The following GABBR2 variants were observed in gnomAD, a reference collection of about 807,000 sequenced individuals.
GABBR2 encodes G-protein coupled receptor 51.
Under a neutral mutation model 105.6 loss-of-function variants are expected in GABBR2, and 23 were observed. The ratio of observed to expected loss-of-function variants is 0.22; its 90% confidence interval spans 0.16 to 0.31. The LOEUF (loss-of-function observed/expected upper bound fraction) is 0.31, where lower values mean the gene tolerates loss of function less well. Among genes scored for constraint, GABBR2 ranks in the 10% least tolerant of loss-of-function variants. The pLI is 1.00. For synonymous variants in GABBR2, 478 were observed against 499.7 expected (o/e 0.96, Z 0.58); for missense variants, 734 against 1,245.5 (o/e 0.59, Z 6.18).
chr9:98,454,262 G>T lies in GABBR2; in HGVS notation c.1000-45C>A. On this transcript the variant is annotated intron_variant, in intron 6 of 18. Transcript: ENST00000259455. The surrounding 1 kb of genome is among the most constrained non-coding windows in gnomAD (Gnocchi z 4.6). ...GGGGAATCCCAAGTTATACTCGGCA[G>T]GGACATCAGGTGCCTGATGCCGAGA... is the stretch of plus-strand genomic sequence containing the variant. 1 of 1,334,718 alleles carries T rather than the reference G, an allele frequency of 7.5e-7. No homozygotes were observed. Among genetic ancestry groups the T allele is most frequent in the South Asian group, 1.2e-5 (1 of 85,308 alleles). 82.7% of individuals were successfully genotyped at this position (1,334,718 alleles called of 1,614,324 possible). A position where few individuals can be genotyped will look rare whatever the true frequency, so the allele number is the denominator to read the frequency against.
chr9:98,421,267 G>A (rs1189680547), intron 7 of GABBR2, among the ~76,000 whole-genome samples: 1 of 152,236 alleles, frequency 6.6e-6, no homozygotes, highest in South Asian at 2.1e-4. Context: ...TTGTGAAACT[G>A]GGTTTTCAGT....
Position 98,540,116 on chromosome 9 carries a change from T to C in GABBR2, c.630+1757A>G, listed in dbSNP as rs1220996832. Among the ~76,000 whole-genome samples the C allele has an allele frequency of 2.0e-5, 3 of 152,100 alleles. No homozygotes were observed. In the South Asian group the frequency reaches 6.2e-4, roughly 32 times the overall value. The stretch of plus-strand genomic sequence containing the variant: ...CAAAAGCCTCTTCAGCGTTTGGCAA[T>C]GAGTCACTCCCGCTGGAGGTCAAGT... On this transcript the variant is annotated intron_variant, in intron 3 of 18. Transcript: ENST00000259455.
At chr9:98,477,672 T>G (rs182719818) in intron 5 of GABBR2, among the ~76,000 whole-genome samples, 1 of 152,226 alleles carries the variant, frequency 6.6e-6, no homozygotes, top group Non-Finnish European at 1.5e-5. Context: ...GCTGTATACA[T>G]GTAGCCATGA....
chr9:98,441,370 T>C (rs545187416), intron 7 of GABBR2, among the ~76,000 whole-genome samples: 8 of 151,746 alleles, frequency 5.3e-5, no homozygotes, highest in South Asian at 4.2e-4. Flanking sequence ...ATTATTATTA[T>C]TATTTATTAT....
At chr9:98,386,906 A>G (rs1408136887) in intron 10 of GABBR2, among the ~76,000 whole-genome samples, 1 of 152,188 alleles carries the variant, frequency 6.6e-6, no homozygotes, top group Non-Finnish European at 1.5e-5. Flanking sequence ...GCCACTCCAT[A>G]AAAGTGACAC....
At chr9:98,645,656 G>A (rs956908761) in intron 1 of GABBR2, among the ~76,000 whole-genome samples, 19 of 152,192 alleles carry the variant, frequency 1.2e-4, no homozygotes, top group African/African-American at 4.6e-4. Context: ...AGCCCTGCCT[G>A]GGACCAGGGA....
At chr9:98,524,768 C>T (rs1051470423) in intron 3 of GABBR2, among the ~76,000 whole-genome samples, 1 of 152,006 alleles carries the variant, frequency 6.6e-6, no homozygotes, top group Non-Finnish European at 1.5e-5. Context: ...ACCCTCTACT[C>T]GGTGGTGCCA....
chr9:98,506,250 A>C (rs1827507761), intron 3 of GABBR2, among the ~76,000 whole-genome samples: 1 of 152,144 alleles, frequency 6.6e-6, no homozygotes, highest in Non-Finnish European at 1.5e-5. Context: ...CAAAGAGATG[A>C]CCATGAGTAT....
intron 1 of GABBR2, among the ~76,000 whole-genome samples, chr9:98,579,339 A>C (rs1354908556): frequency 6.6e-6 from 1 of 152,170 alleles, no homozygotes; most frequent in Non-Finnish European, 1.5e-5. Context: ...ATAGGAATGG[A>C]AAGAGGCCAG....
chr9:98,530,043 G>A (rs1443052349), intron 3 of GABBR2, among the ~76,000 whole-genome samples: 1 of 152,152 alleles, frequency 6.6e-6, no homozygotes, highest in Non-Finnish European at 1.5e-5. Flanking sequence ...GATGGGCCTT[G>A]GGGGAGAAAC....
intron 3 of GABBR2, among the ~76,000 whole-genome samples, chr9:98,504,387 A>G (rs12552067): frequency 0.12 from 18,299 of 152,262 alleles, 1,797 homozygotes; most frequent in East Asian, 0.51. Context: ...CAAGGCACTC[A>G]GCTTCTATGG....
At chr9:98,413,446 A>T (rs1254637860) in intron 7 of GABBR2, among the ~76,000 whole-genome samples, 1 of 149,990 alleles carries the variant, frequency 6.7e-6, no homozygotes, top group African/African-American at 2.5e-5. Context: ...AGTTTAAAAA[A>T]TATTCTTTTT....
intron 8 of GABBR2, among the ~76,000 whole-genome samples, chr9:98,397,449 G>A (rs1588140136): frequency 1.3e-5 from 2 of 152,052 alleles, no homozygotes; most frequent in African/African-American, 4.8e-5. Flanking sequence ...TTGCATGACT[G>A]TATCTGTAAA....
chr9:98,384,388 C>T (rs1011598467), intron 11 of GABBR2, among the ~76,000 whole-genome samples: 10 of 152,054 alleles, frequency 6.6e-5, no homozygotes, highest in African/African-American at 2.4e-4. Context: ...GTCGGGAGTT[C>T]GAGACCATCC....
At chr9:98,678,257 G>C (rs1335288796) in intron 1 of GABBR2, among the ~76,000 whole-genome samples, 1 of 152,090 alleles carries the variant, frequency 6.6e-6, no homozygotes, top group Non-Finnish European at 1.5e-5. Flanking sequence ...TTTTCATCCT[G>C]CTTTAGAACA....
chr9:98,557,449 T>C (rs77385662), intron 2 of GABBR2, among the ~76,000 whole-genome samples: 2,349 of 152,280 alleles, frequency 0.015, 59 homozygotes, highest in African/African-American at 0.053. Flanking sequence ...AAAACCAGGG[T>C]CCATGTGTAA....
intron 2 of GABBR2, among the ~76,000 whole-genome samples, chr9:98,571,841 C>T (rs531741125): frequency 2.6e-5 from 4 of 152,302 alleles, no homozygotes; most frequent in African/African-American, 7.2e-5. Flanking sequence ...GAGGTGGAAA[C>T]GCTGCTCCCT....
At chr9:98,487,109 T>C (rs1463520010) in intron 4 of GABBR2, among the ~76,000 whole-genome samples, 1 of 152,262 alleles carries the variant, frequency 6.6e-6, no homozygotes, top group African/African-American at 2.4e-5. Context: ...AAAATTCATG[T>C]ATATTTAACA....
At chr9:98,511,653 C>A (rs1447276214) in intron 3 of GABBR2, among the ~76,000 whole-genome samples, 1 of 152,172 alleles carries the variant, frequency 6.6e-6, no homozygotes, top group Non-Finnish European at 1.5e-5. Flanking sequence ...ACTAGAAAAT[C>A]TAGAAGAAAT....
Sources: allele counts gnomAD v4.1 joint callset (sites outside exome capture counted in the v4.1 genomes callset), GRCh38; gene constraint gnomAD v4.1.1; non-coding constraint Gnocchi (gnomAD v3.1); transcripts MANE v1.5; gene names NCBI Gene and HGNC (gene_info 2026-07-23, HGNC 2026-07-21).